RANBP17: variants seen among roughly 807,000 people sequenced by gnomAD.
The protein encoded by RANBP17 is RAN binding protein 17.
RANBP17 carries 158 observed loss-of-function variants against 141.2 expected under a neutral mutation model. The observed-to-expected ratio is 1.12, with a 90% CI of 0.98 to 1.28. The LOEUF (loss-of-function observed/expected upper bound fraction) is 1.28. Ranked by LOEUF, RANBP17 falls within the 50% of genes most tolerant of loss-of-function variation. The probability of loss-of-function intolerance (pLI) is 0.00; values close to 1 mark genes in which losing one functional copy is unlikely to be tolerated. For synonymous variants in RANBP17, 430 were observed against 450.0 expected (o/e 0.96, Z 0.56); for missense variants, 1,438 against 1,290.7 (o/e 1.11, Z -1.75).
chr5:171,099,863 T>A (rs769679978), intron 14 of RANBP17, among the ~76,000 whole-genome samples: 4 of 152,186 alleles, frequency 2.6e-5, no homozygotes, highest in Non-Finnish European at 5.9e-5. Context: ...GAGATAATCA[T>A]GTGGTTTTTG....
At chr5:171,178,167 C>T (rs1246860743) in intron 16 of RANBP17, among the ~76,000 whole-genome samples, 1 of 138,402 alleles carries the variant, frequency 7.2e-6, no homozygotes, top group Non-Finnish European at 1.6e-5. Context: ...CTATCCCTCC[C>T]CTACCCCCCC....
chr5:171,035,083 A>G (rs1781785188), intron 14 of RANBP17, among the ~76,000 whole-genome samples: 1 of 144,348 alleles, frequency 6.9e-6, no homozygotes, highest in African/African-American at 2.9e-5. Flanking sequence ...ATGAAATTAT[A>G]AGTATAAGAA....
At chr5:171,255,797 G>A (rs995787288) in intron 24 of RANBP17, among the ~76,000 whole-genome samples, 6 of 152,152 alleles carry the variant, frequency 3.9e-5, no homozygotes, top group Non-Finnish European at 8.8e-5. Flanking sequence ...AGTTGTAAAT[G>A]GTGGCTGATT....
chr5:171,055,433 A>G (rs1025388040), intron 14 of RANBP17, among the ~76,000 whole-genome samples: 1 of 152,178 alleles, frequency 6.6e-6, no homozygotes, highest in Non-Finnish European at 1.5e-5. Context: ...CATGGTACGA[A>G]TGATTTGTTC....
chr5:171,053,904 TA>T lies in RANBP17; in HGVS notation c.1710+85528del, dbSNP rs1561596490. Among the ~76,000 whole-genome samples the T allele has an allele frequency of 1.9e-3, 262 of 137,690 alleles. 5 individuals carry two copies. The highest frequency in any genetic ancestry group is 5.3e-3 in the African/African-American group (197 of 37,430). 90.3% of individuals were successfully genotyped at this position (137,690 alleles called of 152,430 possible). A position where few individuals can be genotyped will look rare whatever the true frequency, so the allele number is the denominator to read the frequency against. Reference sequence around the variant, plus strand: ...ATATATATATATATATATATATATATATATATATATATATATATATAATTGC... The same window carrying T: ...ATATATATATATATATATATATATATTATATATATATATATATATAATTGC... On this transcript the variant is annotated intron_variant, in intron 14 of 27. Coordinates refer to ENST00000523189, the MANE Select transcript of RANBP17 (RefSeq NM_022897.5).
chr5:171,294,131 CT>C, intron 26 of RANBP17, 150 bp downstream of exon 26: 1 of 629,752 alleles, frequency 1.6e-6, no homozygotes, highest in Non-Finnish European at 2.9e-6. Flanking sequence ...CTGTATTCCC[CT>C]ACAAGGCCCT....
intron 14 of RANBP17, among the ~76,000 whole-genome samples, chr5:171,105,206 C>A (rs1343529304): frequency 6.7e-6 from 1 of 149,528 alleles, no homozygotes; most frequent in African/African-American, 2.5e-5. Flanking sequence ...AACGGTGAAA[C>A]CCCGTCTCTA....
chr5:171,063,573 A>AG (rs1342450707), intron 14 of RANBP17, among the ~76,000 whole-genome samples: 3 of 152,010 alleles, frequency 2.0e-5, no homozygotes, highest in Non-Finnish European at 4.4e-5. Flanking sequence ...TGCCCCTACT[A>AG]GGGGGTGCCT....
intron 14 of RANBP17, among the ~76,000 whole-genome samples, chr5:171,110,724 G>T (rs926621368): frequency 6.6e-6 from 1 of 152,090 alleles, no homozygotes; most frequent in Non-Finnish European, 1.5e-5. Flanking sequence ...GTATTAAATT[G>T]TAGAAACGTG....
chr5:171,170,280 C>T, intron 15 of RANBP17, 77 bp downstream of exon 15: 1 of 595,266 alleles, frequency 1.7e-6, no homozygotes, highest in Non-Finnish European at 2.8e-6. Flanking sequence ...TGTATTTAAA[C>T]CTTTTTATAT....
chr5:171,223,384 A>G (rs2127983191), intron 22 of RANBP17, among the ~76,000 whole-genome samples: 1 of 151,902 alleles, frequency 6.6e-6, no homozygotes, highest in East Asian at 2.0e-4. Context: ...CTGTAATCCC[A>G]GCACTTTGGG....
chr5:171,247,766 A>C (rs1247065732), intron 24 of RANBP17, among the ~76,000 whole-genome samples: 2 of 152,180 alleles, frequency 1.3e-5, no homozygotes, highest in Admixed American at 1.3e-4. Flanking sequence ...TGTACCAAGT[A>C]CCTTTCTAAA....
chr5:171,250,780 G>T (rs932099591), intron 24 of RANBP17, among the ~76,000 whole-genome samples: 6 of 152,166 alleles, frequency 3.9e-5, no homozygotes, highest in Non-Finnish European at 8.8e-5. Flanking sequence ...GATCAATCCA[G>T]CAAGAGACTA....
intron 1 of RANBP17, among the ~76,000 whole-genome samples, chr5:170,876,357 C>T (rs1280076336): frequency 6.6e-6 from 1 of 152,094 alleles, no homozygotes; most frequent in Non-Finnish European, 1.5e-5. Context: ...CCGATCGCCA[C>T]TGCTTCTAGT....
intron 13 of RANBP17, among the ~76,000 whole-genome samples, chr5:170,954,914 T>A (rs886547151): frequency 6.6e-5 from 10 of 152,188 alleles, no homozygotes; most frequent in Non-Finnish European, 1.5e-4. Flanking sequence ...GGAACTGGGC[T>A]GCATAGCAGG....
chr5:171,209,948 G>A (rs759890327), intron 20 of RANBP17, among the ~76,000 whole-genome samples: 37 of 151,912 alleles, frequency 2.4e-4, no homozygotes, highest in Admixed American at 3.3e-4. Context: ...ATAGATGGAC[G>A]GACGGACAGA....
intron 24 of RANBP17, chr5:171,252,837 A>C: frequency 8.0e-7 from 1 of 1,242,598 alleles, no homozygotes; most frequent in East Asian, 2.3e-5. Context: ...GTATTGTAAT[A>C]GTTAAGAGTC....
intron 14 of RANBP17, among the ~76,000 whole-genome samples, chr5:171,011,832 T>A (rs1315597797): frequency 1.3e-5 from 2 of 151,972 alleles, no homozygotes; most frequent in East Asian, 3.9e-4. Context: ...AGTAATGTCC[T>A]ATATAACTTT....
At chr5:171,047,684 T>C (rs1476390975) in intron 14 of RANBP17, among the ~76,000 whole-genome samples, 1 of 152,130 alleles carries the variant, frequency 6.6e-6, no homozygotes, top group African/African-American at 2.4e-5. Context: ...ATGATCCGCC[T>C]GCCTCAGCCT....
Sources: gnomAD v4.1 joint callset for allele counts (sites outside exome capture counted in the v4.1 genomes callset) on GRCh38, gnomAD v4.1.1 for gene constraint, MANE v1.5 for transcripts, NCBI Gene and HGNC (gene_info 2026-07-23, HGNC 2026-07-21) for gene names.